Variants in TIAM1 observed in about 807,000 individuals in gnomAD.
The protein encoded by TIAM1 is TIAM Rac1 associated GEF 1.
In TIAM1, 65 loss-of-function variants were observed where a neutral mutation model predicts 163.5. The ratio of observed to expected loss-of-function variants is 0.40; its 90% confidence interval spans 0.33 to 0.49. TIAM1 has a LOEUF of 0.49. TIAM1 is among the 20% of genes least tolerant of loss of function. The probability of loss-of-function intolerance (pLI) is 0.77; values close to 1 mark genes in which losing one functional copy is unlikely to be tolerated. For synonymous variants in TIAM1, 833 were observed against 810.1 expected (o/e 1.03, Z -0.48); for missense variants, 1,789 against 2,044.7 (o/e 0.87, Z 2.41).
intron 15 of TIAM1, among the ~76,000 whole-genome samples, chr21:31,179,570 G>A (rs2084919499): frequency 6.8e-6 from 1 of 147,570 alleles, no homozygotes; most frequent in African/African-American, 2.5e-5. Flanking sequence ...ACCTTCCAAA[G>A]ATGATCCCAA....
In TIAM1 at chr21:31,126,745, C is replaced by G. The variant is rs115692807; in HGVS notation, c.4133+320G>C. Among the ~76,000 whole-genome samples the G allele has an allele frequency of 8.1e-3, 1,230 of 151,956 alleles. 8 individuals are homozygous for G. The highest frequency in any genetic ancestry group is 0.028 in the African/African-American group (1,149 of 41,406). On this transcript the variant is annotated intron_variant, in intron 26 of 27. Transcript: ENST00000541036. ...ATTCTCATGGCGGAGGGAGAGAATA[C>G]AAGGAAGGGCAAAAGAGGGTGGCAG... is the stretch of plus-strand genomic sequence containing the variant.
At chr21:31,544,614 C>G (rs1362253497) in intron 1 of TIAM1, among the ~76,000 whole-genome samples, 1 of 151,492 alleles carries the variant, frequency 6.6e-6, no homozygotes. Context: ...GGTAACAGAG[C>G]AAGACTCCGT....
chr21:31,235,515 A>T (rs2088703981), intron 6 of TIAM1, among the ~76,000 whole-genome samples: 2 of 152,220 alleles, frequency 1.3e-5, no homozygotes, highest in Non-Finnish European at 2.9e-5. Context: ...TCTAAAATCC[A>T]TTAGAAACAG....
chr21:31,294,026 C>T (rs2074132296), intron 2 of TIAM1, among the ~76,000 whole-genome samples: 1 of 152,120 alleles, frequency 6.6e-6, no homozygotes, highest in African/African-American at 2.4e-5. Context: ...CTGCTCTAGT[C>T]TTGGATCTGA....
chr21:31,485,903 G>GT (rs2046256526), intron 1 of TIAM1, among the ~76,000 whole-genome samples: 1 of 152,170 alleles, frequency 6.6e-6, no homozygotes, highest in Non-Finnish European at 1.5e-5. Flanking sequence ...CCTGTACAAG[G>GT]TGACGGTCCA....
intron 1 of TIAM1, among the ~76,000 whole-genome samples, chr21:31,518,477 G>A (rs950494463): frequency 2.0e-5 from 3 of 152,030 alleles, no homozygotes; most frequent in Non-Finnish European, 4.4e-5. Context: ...AGTAGACACG[G>A]GATTTCTCCA....
chr21:31,330,743 C>CCACCAAACTTTCGGGGAG (rs1294516115), intron 2 of TIAM1, among the ~76,000 whole-genome samples: 2 of 152,176 alleles, frequency 1.3e-5, no homozygotes, highest in African/African-American at 4.8e-5. Flanking sequence ...TGGGGAGACA[C>CCACCAAACTTTCGGGGAG]ACCGAAAGAG....
intron 6 of TIAM1, among the ~76,000 whole-genome samples, chr21:31,233,007 G>A (rs934413757): frequency 3.9e-5 from 6 of 152,188 alleles, no homozygotes; most frequent in African/African-American, 1.4e-4. Flanking sequence ...CCCTTTGAGT[G>A]CAGAGATAAG....
intron 5 of TIAM1, among the ~76,000 whole-genome samples, chr21:31,250,106 ACTG>A (rs2071708544): frequency 6.7e-6 from 1 of 149,492 alleles, no homozygotes; most frequent in Non-Finnish European, 1.5e-5. Flanking sequence ...TAACTGTGCC[ACTG>A]CATTCCAGCC....
chr21:31,426,990 A>C (rs1007647803), intron 2 of TIAM1, among the ~76,000 whole-genome samples: 3 of 152,144 alleles, frequency 2.0e-5, no homozygotes, highest in African/African-American at 7.2e-5. Flanking sequence ...GCACAATCAT[A>C]TCTCATTGCA....
upstream of TIAM1, among the ~76,000 whole-genome samples, chr21:31,347,498 C>T (rs1386280413): frequency 1.3e-5 from 2 of 152,216 alleles, no homozygotes; most frequent in African/African-American, 4.8e-5. Flanking sequence ...GAAAGCCACT[C>T]GTTTTGCTTT....
At chr21:31,493,066 A>C (rs544688116) in intron 1 of TIAM1, among the ~76,000 whole-genome samples, 1 of 152,090 alleles carries the variant, frequency 6.6e-6, no homozygotes, top group Non-Finnish European at 1.5e-5. Flanking sequence ...CTGTCTGTTC[A>C]TCAAAACCAC....
chr21:31,307,375 T>C (rs894444548), intron 2 of TIAM1, among the ~76,000 whole-genome samples: 19 of 152,108 alleles, frequency 1.2e-4, no homozygotes, highest in African/African-American at 4.6e-4. Context: ...ACCCTCTGAG[T>C]ACACGGAGGG....
At chr21:31,256,383 T>C (rs1237124635) in intron 4 of TIAM1, among the ~76,000 whole-genome samples, 6 of 152,170 alleles carry the variant, frequency 3.9e-5, no homozygotes, top group East Asian at 1.9e-4. Context: ...CCTTTGTCAC[T>C]TGAATTTCCC....
intron 6 of TIAM1, among the ~76,000 whole-genome samples, chr21:31,239,788 A>G (rs183165916): frequency 0.01 from 1,572 of 152,326 alleles, 27 homozygotes; most frequent in African/African-American, 0.036. Context: ...ATATGTGCTC[A>G]ATTTCATATT....
At chr21:31,360,849 A>C (rs1432648070) in intron 2 of TIAM1, among the ~76,000 whole-genome samples, 1 of 152,226 alleles carries the variant, frequency 6.6e-6, no homozygotes, top group Non-Finnish European at 1.5e-5. Flanking sequence ...TGTAAATTCA[A>C]ACCAGGAAAT....
intron 9 of TIAM1, among the ~76,000 whole-genome samples, chr21:31,213,864 T>TAAAAAAAAAAAAA (rs1339589989): frequency 1.5e-5 from 1 of 64,558 alleles, no homozygotes; most frequent in African/African-American, 1.1e-4. Context: ...ACCTCATCTC[T>TAAAAAAAAAAAAA]ACAAAAAAAA....
intron 23 of TIAM1, among the ~76,000 whole-genome samples, chr21:31,132,025 G>C (rs543755056): frequency 6.6e-6 from 1 of 152,298 alleles, no homozygotes; most frequent in African/African-American, 2.4e-5. Context: ...AATGGACTAA[G>C]ATAGTCTCCA....
At chr21:31,533,670 C>G (rs1337191710) in intron 1 of TIAM1, among the ~76,000 whole-genome samples, 1 of 152,128 alleles carries the variant, frequency 6.6e-6, no homozygotes, top group Admixed American at 6.6e-5. Context: ...AAGTTTGAGG[C>G]TGCACGAGCT....
Sources: gnomAD v4.1 joint callset for allele counts (sites outside exome capture counted in the v4.1 genomes callset) on GRCh38, gnomAD v4.1.1 for gene constraint, MANE v1.5 for transcripts, NCBI Gene and HGNC (gene_info 2026-07-23, HGNC 2026-07-21) for gene names.